HECTD2: variants seen among roughly 807,000 people sequenced by gnomAD.
HECTD2 encodes probable E3 ubiquitin-protein ligase HECTD2.
A neutral mutation model predicts 103.2 loss-of-function variants in HECTD2; 35 were observed. The observed-to-expected ratio is 0.34, with a 90% CI of 0.26 to 0.45. The LOEUF is 0.45. HECTD2 is among the 20% of genes least tolerant of loss of function. HECTD2 has a pLI of 1.00. For missense variants in HECTD2, 596 were observed against 937.4 expected, an observed-to-expected ratio of 0.64 and a Z score of 4.76; for synonymous variants, 281 against 329.9, an observed-to-expected ratio of 0.85 and a Z score of 1.61.
chr10:91,429,142 G>T (rs1843720128), intron 2 of HECTD2, among the ~76,000 whole-genome samples: 1 of 151,644 alleles, frequency 6.6e-6, no homozygotes, highest in Admixed American at 6.5e-5. Context: ...AAATCATGTG[G>T]TTTTTGTCTT....
At chr10:91,476,916 C>T (rs572917486) in intron 5 of HECTD2, among the ~76,000 whole-genome samples, 1 of 138,682 alleles carries the variant, frequency 7.2e-6, no homozygotes, top group Admixed American at 7.1e-5. Context: ...CGCGGTGGCT[C>T]ATGCCTGTAA....
intron 2 of HECTD2, among the ~76,000 whole-genome samples, chr10:91,433,465 A>C (rs908903674): frequency 6.6e-6 from 1 of 151,964 alleles, no homozygotes; most frequent in Non-Finnish European, 1.5e-5. Flanking sequence ...CAGTTCATGT[A>C]TTCTAGATAT....
At chr10:91,501,994 T>C (rs1846920576) in intron 20 of HECTD2, among the ~76,000 whole-genome samples, 1 of 152,156 alleles carries the variant, frequency 6.6e-6, no homozygotes, top group African/African-American at 2.4e-5. Flanking sequence ...TGCTCTTAGT[T>C]CTTCCTTTCA....
intron 7 of HECTD2, among the ~76,000 whole-genome samples, chr10:91,482,506 C>T (rs1298946411): frequency 6.6e-6 from 1 of 151,856 alleles, no homozygotes; most frequent in East Asian, 1.9e-4. Context: ...GCTTTTACTT[C>T]GTTTTTCTAG....
At chr10:91,493,607 C>A in intron 14 of HECTD2, 99 bp downstream of exon 14, 1 of 609,118 alleles carries the variant, frequency 1.6e-6, no homozygotes, top group Non-Finnish European at 2.8e-6. Flanking sequence ...CCATTTTATC[C>A]AAATTAAATG....
chr10:91,445,778 A>G (rs1326077931), intron 2 of HECTD2, among the ~76,000 whole-genome samples: 4 of 152,122 alleles, frequency 2.6e-5, no homozygotes, highest in Non-Finnish European at 4.4e-5. Flanking sequence ...GGGAAGCACA[A>G]GGGATCAGAG....
chr10:91,502,540 C>T (rs1349354510), intron 20 of HECTD2, among the ~76,000 whole-genome samples: 1 of 151,898 alleles, frequency 6.6e-6, no homozygotes, highest in Non-Finnish European at 1.5e-5. Flanking sequence ...TGGTAAGTGC[C>T]CAATAGCTAT....
chr10:91,446,033 A>G (rs1844599660), intron 2 of HECTD2, among the ~76,000 whole-genome samples: 1 of 152,010 alleles, frequency 6.6e-6, no homozygotes, highest in Admixed American at 6.6e-5. Context: ...CACCAGTGAC[A>G]GACTGCCTCC....
At chr10:91,492,675 C>T (rs530359053) in intron 13 of HECTD2, among the ~76,000 whole-genome samples, 191 bp downstream of exon 13, 1 of 152,232 alleles carries the variant, frequency 6.6e-6, no homozygotes, top group Admixed American at 6.5e-5. Context: ...AGTTGATTCT[C>T]TTACTGGGAA....
At chr10:91,492,320 G>T (rs376610422) in intron 12 of HECTD2, 32 bp from the exon 13 acceptor site, 2 of 1,592,200 alleles carry the variant, frequency 1.3e-6, no homozygotes, top group South Asian at 1.1e-5. Flanking sequence ...ACTGCTCTTT[G>T]TTCTCCTCTA....
chr10:91,438,288 T>G (rs188911420), intron 2 of HECTD2, among the ~76,000 whole-genome samples: 1 of 152,294 alleles, frequency 6.6e-6, no homozygotes, highest in Admixed American at 6.5e-5. Flanking sequence ...TGTGTCCATG[T>G]GTTCTCATTG....
intron 8 of HECTD2, among the ~76,000 whole-genome samples, chr10:91,483,653 A>C (rs1349923750): frequency 6.6e-6 from 1 of 151,972 alleles, no homozygotes; most frequent in Non-Finnish European, 1.5e-5. Flanking sequence ...ATCATTATTC[A>C]TAGTAGTTAT....
chr10:91,464,728 C>G (rs556739859), intron 5 of HECTD2: 1 of 153,444 alleles, frequency 6.5e-6, no homozygotes, highest in Admixed American at 6.5e-5. Context: ...GGAGCACACA[C>G]CATGCTACCT....
At chr10:91,481,394 G>C (rs1299309268) in intron 7 of HECTD2, among the ~76,000 whole-genome samples, 2 of 151,766 alleles carry the variant, frequency 1.3e-5, no homozygotes, top group Non-Finnish European at 3.0e-5. Flanking sequence ...AATTACATGT[G>C]AGATTAAAAT....
chr10:91,430,849 T>G (rs892255185), intron 2 of HECTD2, among the ~76,000 whole-genome samples: 13 of 151,908 alleles, frequency 8.6e-5, no homozygotes, highest in African/African-American at 3.2e-4. Flanking sequence ...CCAGTCTGTG[T>G]GTTTTAATTG....
At chr10:91,490,890 C>CAAAAAAAAAAAAAAAAA (rs61035151) in intron 11 of HECTD2, among the ~76,000 whole-genome samples, 1 of 13,616 alleles carries the variant, frequency 7.3e-5, no homozygotes, top group African/African-American at 2.3e-4. Flanking sequence ...GACTCCGTCT[C>CAAAAAAAAAAAAAAAAA]AAAAAAAAAA....
rs185521721 is a variant in HECTD2 at position 91,514,188 on chromosome 10, T to G, written c.*1804T>G. 2.0e-5 allele frequency: 3 copies of G among 152,748 alleles called. No individual in the cohort carries two copies. The highest frequency in any genetic ancestry group is 2.0e-4 in the Admixed American group (3 of 15,290). 9.5% of individuals were successfully genotyped at this position (152,748 alleles called of 1,614,324 possible). A position where few individuals can be genotyped will look rare whatever the true frequency, so the allele number is the denominator to read the frequency against. On this transcript the variant is annotated 3_prime_UTR_variant, in exon 21 of 21. Coordinates refer to ENST00000298068, the MANE Select transcript of HECTD2 (RefSeq NM_182765.6). ...TTAAATAAAATGTAAACAGTTTTTATTTGGTAGAGATGACTCATGGAAAAA... is the reference window on the plus strand; with the variant it reads ...TTAAATAAAATGTAAACAGTTTTTAGTTGGTAGAGATGACTCATGGAAAAA...
At chr10:91,497,567 C>G (rs189198788) in intron 15 of HECTD2, among the ~76,000 whole-genome samples, 19 of 150,922 alleles carry the variant, frequency 1.3e-4, no homozygotes, top group African/African-American at 4.4e-4. Context: ...CCTCGGCCTC[C>G]CAGAGTGCTG....
chr10:91,499,199 A>G, intron 18 of HECTD2, 49 bp downstream of exon 18: 1 of 950,390 alleles, frequency 1.1e-6, no homozygotes, highest in South Asian at 1.5e-5. Context: ...TTGTAGTACT[A>G]TCATGTTAAC....
Sources: allele counts gnomAD v4.1 joint callset (sites outside exome capture counted in the v4.1 genomes callset), GRCh38; gene constraint gnomAD v4.1.1; transcripts MANE v1.5; gene names NCBI Gene and HGNC (gene_info 2026-07-23, HGNC 2026-07-21).